Variants in DGKH observed in about 807,000 individuals in gnomAD.
DGKH encodes DAG kinase eta.
Under a neutral mutation model 159.3 loss-of-function variants are expected in DGKH, and 90 were observed. The ratio of observed to expected loss-of-function variants is 0.57; its 90% CI spans 0.48 to 0.67. DGKH has a LOEUF of 0.67. Ranked by LOEUF, DGKH falls within the 30% of genes least tolerant of loss-of-function variation. The pLI, the probability that DGKH is intolerant of heterozygous loss-of-function variation, is 0.00. For synonymous variants in DGKH, 536 were observed against 553.8 expected (o/e 0.97, Z 0.45); for missense variants, 1,181 against 1,506.1 (o/e 0.78, Z 3.57).
intron 1 of DGKH, among the ~76,000 whole-genome samples, chr13:42,111,451 G>A (rs912915762): frequency 2.0e-5 from 3 of 152,100 alleles, no homozygotes; most frequent in Admixed American, 6.5e-5. Flanking sequence ...GTGGTGGCAC[G>A]TGCCTGTAGT....
At chr13:42,116,577 T>C (rs1026510248) in intron 1 of DGKH, among the ~76,000 whole-genome samples, 12 of 152,236 alleles carry the variant, frequency 7.9e-5, no homozygotes, top group Admixed American at 7.8e-4. Flanking sequence ...AGTGTATACC[T>C]ACTGGATAAA....
intron 13 of DGKH, among the ~76,000 whole-genome samples, 160 bp downstream of exon 13, chr13:42,178,380 T>C (rs554563440): frequency 3.3e-5 from 5 of 152,364 alleles, no homozygotes; most frequent in Admixed American, 2.0e-4. Flanking sequence ...TTAAAAATCA[T>C]GTTAGCATCT....
At chr13:42,072,023 AG>A (rs1883008111) in intron 1 of DGKH, among the ~76,000 whole-genome samples, 1 of 152,354 alleles carries the variant, frequency 6.6e-6, no homozygotes, top group East Asian at 1.9e-4. Flanking sequence ...TTTATGTAAT[AG>A]ATTCCCAAGA....
intron 1 of DGKH, among the ~76,000 whole-genome samples, chr13:42,097,790 A>G (rs941610419): frequency 6.6e-6 from 1 of 152,136 alleles, no homozygotes; most frequent in East Asian, 1.9e-4. Context: ...AGTGAGGTGC[A>G]GGGGGTGTGT....
At chr13:42,157,400 G>A (rs530111112) in intron 5 of DGKH, among the ~76,000 whole-genome samples, 6 of 152,304 alleles carry the variant, frequency 3.9e-5, no homozygotes, top group African/African-American at 1.4e-4. Flanking sequence ...TGAGTCAGTA[G>A]TGGAATGACT....
At position 42,174,112 on chromosome 13, in the gene DGKH, C is replaced by T; in HGVS notation, c.1420C>T (p.Pro474Ser). Reference protein sequence around the residue: ...LKLPPKASLLPGPPEASEEFY... With the variant: ...LKLPPKASLLSGPPEASEEFY... The stretch of plus-strand genomic sequence containing the variant: ...ATTGCCACCAAAAGCTTCCCTACTT[C>T]CAGGACCTCCAGAAGCATCTGAAGA... The change falls in exon 12 of 30, where the codon CCA becomes TCA. Residue 474 changes from proline to serine, a missense_variant. This residue lies in a region of DGKH where 369 missense variants were observed against 519.4 expected (regional missense o/e 0.71). Transcript: ENST00000337343. 1 of 1,613,794 alleles carries T rather than the reference C, an allele frequency of 6.2e-7. No individual in the cohort carries two copies. Among genetic ancestry groups the T allele is most frequent in the African/African-American group, 1.3e-5 (1 of 74,940 alleles).
chr13:42,223,571 T>C (rs925457435), intron 29 of DGKH, among the ~76,000 whole-genome samples: 10 of 152,040 alleles, frequency 6.6e-5, no homozygotes, highest in Non-Finnish European at 1.5e-4. Flanking sequence ...ACCATCTGGC[T>C]AACACAATGA....
intron 3 of DGKH, among the ~76,000 whole-genome samples, chr13:42,151,596 CA>C (rs1955900583): frequency 1.6e-5 from 2 of 126,410 alleles, no homozygotes; most frequent in Non-Finnish European, 3.5e-5. Flanking sequence ...CACACACACA[CA>C]CACACACACA....
chr13:42,104,184 T>C (rs1306357857), intron 1 of DGKH, among the ~76,000 whole-genome samples: 2 of 152,168 alleles, frequency 1.3e-5, no homozygotes, highest in African/African-American at 4.8e-5. Context: ...TATATCCCAG[T>C]CCAAGGAAAG....
chr13:42,172,085 C>T (rs910318667), intron 11 of DGKH, among the ~76,000 whole-genome samples: 3 of 151,990 alleles, frequency 2.0e-5, no homozygotes, highest in Non-Finnish European at 2.9e-5. Flanking sequence ...GCCTCGGCCT[C>T]CCAAAGTGCT....
intron 3 of DGKH, chr13:42,153,915 G>A (rs1955978631): frequency 1.3e-5 from 2 of 152,220 alleles, no homozygotes; most frequent in Non-Finnish European, 2.9e-5. Context: ...TGTATTTAAG[G>A]GTGAGTGCCT....
chr13:42,159,444 G>A, intron 6 of DGKH, 72 bp downstream of exon 6: 1 of 1,076,700 alleles, frequency 9.3e-7, no homozygotes, highest in Non-Finnish European at 1.4e-6. Flanking sequence ...TGGAAGCTGA[G>A]AAAGATAAGT....
At chr13:42,168,272 G>A (rs1013566526) in intron 9 of DGKH, among the ~76,000 whole-genome samples, 168 bp from the exon 10 acceptor site, 6 of 151,838 alleles carry the variant, frequency 4.0e-5, no homozygotes, top group African/African-American at 1.5e-4. Flanking sequence ...TGATTCAGAA[G>A]TTTTCTTGAG....
intron 18 of DGKH, 40 bp downstream of exon 18, chr13:42,198,635 CTTGT>C: frequency 1.4e-6 from 2 of 1,423,222 alleles, no homozygotes; most frequent in Non-Finnish European, 1.9e-6. Flanking sequence ...TTGGGTTTTT[CTTGT>C]TTTTTTTTTT....
chr13:42,177,383 A>G (rs1198876724), intron 12 of DGKH, among the ~76,000 whole-genome samples: 2 of 152,094 alleles, frequency 1.3e-5, no homozygotes, highest in Non-Finnish European at 2.9e-5. Flanking sequence ...TCATTCTCCT[A>G]TGGTCTTCCA....
intron 3 of DGKH, among the ~76,000 whole-genome samples, chr13:42,151,613 A>ACACACC (rs1555266645): frequency 1.1e-3 from 122 of 111,972 alleles, no homozygotes; most frequent in African/African-American, 2.3e-3. Context: ...ACACACACAC[A>ACACACC]CCCCATGGAA....
intron 12 of DGKH, among the ~76,000 whole-genome samples, chr13:42,175,999 T>C (rs1210973916): frequency 6.6e-6 from 1 of 152,220 alleles, no homozygotes; most frequent in Non-Finnish European, 1.5e-5. Context: ...TGGTACACAA[T>C]GCAAAATATT....
chr13:42,256,393 G>A lies in DGKH; in HGVS notation n.4237G>A, dbSNP rs149670042. 4.0e-5 allele frequency: 64 copies of A among 1,580,358 alleles called. 1 individual carries two copies. In the East Asian group the frequency reaches 4.9e-4, roughly 12 times the overall value. On this transcript the variant is annotated non_coding_transcript_exon_variant, in exon 31 of 31. Transcript: ENST00000498255. ...TGACAGCTCTCAATCCTCGTATAGC[G>A]TATGACAAGGCAGCAAAGATTGCTA... is the stretch of plus-strand genomic sequence containing the variant.
intron 1 of DGKH, chr13:42,066,800 G>GT (rs969380574): frequency 6.6e-6 from 1 of 152,002 alleles, no homozygotes; most frequent in Admixed American, 6.5e-5. Flanking sequence ...GTGCTGTCTG[G>GT]TTTTTTCCTA....
Sources: gnomAD v4.1 joint callset for allele counts (sites outside exome capture counted in the v4.1 genomes callset) on GRCh38, gnomAD v4.1.1 for gene constraint, gnomAD v4.1.1 regional missense constraint, MANE v1.5 for transcripts, NCBI Gene and HGNC (gene_info 2026-07-23, HGNC 2026-07-21) for gene names.